PDE4D: variants seen among roughly 807,000 people sequenced by gnomAD.
PDE4D encodes the protein 3',5'-cyclic-AMP phosphodiesterase 4D.
PDE4D carries 24 observed loss-of-function variants against 87.4 expected under a neutral mutation model. That is an observed-to-expected ratio of 0.27 (90% confidence interval 0.20 to 0.39). The LOEUF (loss-of-function observed/expected upper bound fraction) is 0.39. Among genes scored for constraint, PDE4D ranks in the 10% least tolerant of loss-of-function variants. The pLI is 1.00. For missense variants in PDE4D, 714 were observed against 1,041.0 expected (o/e 0.69, Z 4.32); for synonymous variants, 384 against 383.2 (o/e 1.00, Z -0.02).
chr5:59,207,518 AT>A (rs1749061373), intron 2 of PDE4D, among the ~76,000 whole-genome samples: 1 of 151,936 alleles, frequency 6.6e-6, no homozygotes, highest in Admixed American at 6.6e-5. Flanking sequence ...AACTTTCCTT[AT>A]TTTAGTTTAT....
At chr5:59,348,205 AC>A (rs1194754309) in intron 1 of PDE4D, among the ~76,000 whole-genome samples, 2 of 152,208 alleles carry the variant, frequency 1.3e-5, no homozygotes, top group Non-Finnish European at 2.9e-5. Context: ...TATATTAAAA[AC>A]AATGGAAATA....
chr5:59,865,517 G>T (rs1312861175), intron 1 of PDE4D, among the ~76,000 whole-genome samples: 1 of 152,104 alleles, frequency 6.6e-6, no homozygotes, highest in Non-Finnish European at 1.5e-5. Flanking sequence ...GTGTAGCCTA[G>T]GTTCTTCCCC....
intron 2 of PDE4D, among the ~76,000 whole-genome samples, chr5:60,057,489 T>C (rs1770905324): frequency 6.6e-6 from 1 of 151,998 alleles, no homozygotes; most frequent in South Asian, 2.1e-4. Context: ...CTCATTCAGT[T>C]TCTCCATTCC....
At chr5:59,159,483 G>T (rs1366166220) in intron 5 of PDE4D, among the ~76,000 whole-genome samples, 1 of 152,036 alleles carries the variant, frequency 6.6e-6, no homozygotes, top group Non-Finnish European at 1.5e-5. Context: ...TTGGGGGTAG[G>T]ACTATATCTT....
At chr5:60,087,405 T>C (rs534381163) in intron 2 of PDE4D, among the ~76,000 whole-genome samples, 3 of 152,056 alleles carry the variant, frequency 2.0e-5, no homozygotes, top group South Asian at 2.1e-4. Context: ...ACTCCAACAA[T>C]AGACACAGAA....
chr5:59,071,608 A>C (rs1227316873), intron 5 of PDE4D, among the ~76,000 whole-genome samples: 1 of 150,102 alleles, frequency 6.7e-6, no homozygotes, highest in Non-Finnish European at 1.5e-5. Context: ...TTATGAATAC[A>C]ATATCAAGTG....
At chr5:60,087,619 G>C (rs1193900112) in intron 2 of PDE4D, among the ~76,000 whole-genome samples, 1 of 151,856 alleles carries the variant, frequency 6.6e-6, no homozygotes, top group Non-Finnish European at 1.5e-5. Context: ...AAACTCCATA[G>C]AAAGCTTCAA....
At chr5:60,048,440 G>A (rs1181003945) in intron 2 of PDE4D, among the ~76,000 whole-genome samples, 5 of 152,114 alleles carry the variant, frequency 3.3e-5, no homozygotes, top group Non-Finnish European at 7.4e-5. Flanking sequence ...CTCGTTAATC[G>A]ATGCAGTTTC....
intron 1 of PDE4D, among the ~76,000 whole-genome samples, chr5:59,379,215 A>G (rs1430506890): frequency 2.6e-5 from 4 of 152,114 alleles, no homozygotes; most frequent in Non-Finnish European, 5.9e-5. Context: ...AACAATCAAT[A>G]ATTCATTTAA....
intron 1 of PDE4D, chr5:60,372,669 A>T (rs886656857): frequency 6.6e-6 from 1 of 152,124 alleles, no homozygotes; most frequent in African/African-American, 2.4e-5. Flanking sequence ...TCACTGAGAA[A>T]ATGTGTTCTT....
chr5:59,374,095 G>C (rs1329029853), intron 1 of PDE4D, among the ~76,000 whole-genome samples: 3 of 152,118 alleles, frequency 2.0e-5, no homozygotes, highest in Non-Finnish European at 2.9e-5. Context: ...ACAGACCAAT[G>C]ACTCTATAAA....
At chr5:60,382,928 A>G (rs143606140) in intron 1 of PDE4D, among the ~76,000 whole-genome samples, 2 of 152,276 alleles carry the variant, frequency 1.3e-5, no homozygotes, top group East Asian at 3.9e-4. Context: ...TTGTTGAGAA[A>G]GTCTTCAAAG....
chr5:59,315,172 A>C (rs371260333), intron 1 of PDE4D, among the ~76,000 whole-genome samples: 3 of 152,266 alleles, frequency 2.0e-5, no homozygotes, highest in African/African-American at 7.2e-5. Context: ...ACGTGTCTGC[A>C]TGCCTAACTT....
At chr5:60,360,426 G>A (rs1759964341) in intron 1 of PDE4D, among the ~76,000 whole-genome samples, 2 of 152,164 alleles carry the variant, frequency 1.3e-5, no homozygotes, top group South Asian at 4.1e-4. Flanking sequence ...AGAAGAATGT[G>A]TAACACAAAA....
chr5:60,418,944 A>C (rs1742856956), intron 1 of PDE4D, among the ~76,000 whole-genome samples: 1 of 152,180 alleles, frequency 6.6e-6, no homozygotes, highest in African/African-American at 2.4e-5. Flanking sequence ...TAAACATAAG[A>C]ATAAAAAATA....
At chr5:59,203,288 G>A (rs527656673) in intron 2 of PDE4D, among the ~76,000 whole-genome samples, 5 of 150,844 alleles carry the variant, frequency 3.3e-5, no homozygotes, top group Admixed American at 3.3e-4. Flanking sequence ...ACCATGATGA[G>A]ATATCACCTG....
chr5:59,076,801 C>T (rs1028867463), intron 5 of PDE4D, among the ~76,000 whole-genome samples: 1 of 152,166 alleles, frequency 6.6e-6, no homozygotes, highest in African/African-American at 2.4e-5. Context: ...AAAGCTCCAA[C>T]AACATAGTAT....
intron 2 of PDE4D, among the ~76,000 whole-genome samples, chr5:60,070,470 C>T (rs1306600796): frequency 6.6e-6 from 1 of 151,872 alleles, no homozygotes; most frequent in Non-Finnish European, 1.5e-5. Context: ...TGTTTTTATG[C>T]TTTATTTTGT....
intron 1 of PDE4D, among the ~76,000 whole-genome samples, chr5:60,508,767 T>C (rs1205468785): frequency 6.6e-6 from 1 of 152,248 alleles, no homozygotes; most frequent in Non-Finnish European, 1.5e-5. Flanking sequence ...TAAAGATAGC[T>C]TATTTTAATA....
Sources: allele counts gnomAD v4.1 joint callset (sites outside exome capture counted in the v4.1 genomes callset), GRCh38; gene constraint gnomAD v4.1.1; transcripts MANE v1.5; gene names NCBI Gene and HGNC (gene_info 2026-07-23, HGNC 2026-07-21).